RRAS2: variants seen among roughly 807,000 people sequenced by gnomAD.
The protein encoded by RRAS2 is ras-related protein R-Ras2.
RRAS2 carries 7 observed loss-of-function variants against 27.6 expected under a neutral mutation model. That is an observed-to-expected ratio of 0.25 (90% CI 0.14 to 0.48). The LOEUF (loss-of-function observed/expected upper bound fraction) is 0.48, where lower values mean the gene tolerates loss of function less well. RRAS2 is among the 20% of genes least tolerant of loss of function. The pLI, the probability that RRAS2 is intolerant of heterozygous loss-of-function variation, is 0.99. For missense variants in RRAS2, 178 were observed against 256.2 expected, an observed-to-expected ratio of 0.69 and a Z score of 2.08; for synonymous variants, 86 against 90.9, an observed-to-expected ratio of 0.95 and a Z score of 0.31.
At chr11:14,331,307 T>C (rs1554951845) in intron 1 of RRAS2, among the ~76,000 whole-genome samples, 1 of 152,112 alleles carries the variant, frequency 6.6e-6, no homozygotes, top group African/African-American at 2.4e-5. Context: ...TAAGTAAATA[T>C]ATTCTAATGA....
chr11:14,289,007 T>C (rs1849740318), intron 4 of RRAS2, among the ~76,000 whole-genome samples: 1 of 152,178 alleles, frequency 6.6e-6, no homozygotes, highest in South Asian at 2.1e-4. Flanking sequence ...TGAACAAAAT[T>C]GACCTGTCAA....
Position 14,341,594 on chromosome 11 carries a change from A to C in RRAS2, c.108+17169T>G, listed in dbSNP as rs906882941. Reference sequence around the variant, plus strand: ...ATTTGTTGTTTGAGAAGGACCAAAAAAAAAATAAAAATAAAAATAGTTTCC... The same window carrying C: ...ATTTGTTGTTTGAGAAGGACCAAAACAAAAATAAAAATAAAAATAGTTTCC... On this transcript the variant is annotated intron_variant, in intron 1 of 5. Transcript: ENST00000256196. 2.0e-5 allele frequency among the ~76,000 whole-genome samples: 3 copies of C among 152,130 alleles called. No homozygotes were observed. The East Asian group carries it at 5.8e-4, about 29-fold the overall frequency.
intron 1 of RRAS2, among the ~76,000 whole-genome samples, chr11:14,334,217 T>C (rs933971612): frequency 2.0e-5 from 3 of 152,204 alleles, no homozygotes; most frequent in Admixed American, 6.5e-5. Flanking sequence ...ACTTTACCTA[T>C]AACAGGTAGT....
At chr11:14,309,952 G>A (rs1348039493) in intron 1 of RRAS2, among the ~76,000 whole-genome samples, 1 of 152,116 alleles carries the variant, frequency 6.6e-6, no homozygotes, top group Non-Finnish European at 1.5e-5. Flanking sequence ...ATAGGTCAAG[G>A]GTGAAATCAG....
At chr11:14,314,885 C>T (rs943155838) in intron 1 of RRAS2, among the ~76,000 whole-genome samples, 1 of 152,130 alleles carries the variant, frequency 6.6e-6, no homozygotes, top group Non-Finnish European at 1.5e-5. Context: ...CCAGGTTTCA[C>T]CATGTTGGCC....
intron 1 of RRAS2, chr11:14,356,819 T>TTTTG: frequency 2.5e-6 from 1 of 405,338 alleles, no homozygotes; most frequent in African/African-American, 2.3e-5. Context: ...TTTTTTTTTT[T>TTTTG]GAGGCAGAGT....
In RRAS2 at chr11:14,279,340, G is replaced by A. The variant is rs1591437977; in HGVS notation, c.612C>T (p.Phe204=). ...KDKKGCHCVI[F] ...GGTAGCTAAAACTGAAGGGATTCTA[G>A]AAAATGACACAATGGCAGCCTTTCT... The change falls in exon 6 of 6, where the codon TTC becomes TTT. Residue 204 remains phenylalanine, a synonymous_variant. Coordinates refer to ENST00000256196, the MANE Select transcript of RRAS2 (RefSeq NM_012250.6). 1 of 1,604,462 alleles carries A rather than the reference G, an allele frequency of 6.2e-7. No homozygotes were observed. The highest frequency in any genetic ancestry group is 1.3e-5 in the African/African-American group (1 of 74,850).
chr11:14,300,829 T>C (rs1847679302), intron 1 of RRAS2, among the ~76,000 whole-genome samples: 1 of 152,024 alleles, frequency 6.6e-6, no homozygotes, highest in Non-Finnish European at 1.5e-5. Flanking sequence ...CCGCCTTCAG[T>C]GGTAAGGAGT....
At chr11:14,323,683 G>A (rs1554950616) in intron 1 of RRAS2, among the ~76,000 whole-genome samples, 4 of 152,072 alleles carry the variant, frequency 2.6e-5, no homozygotes, top group Admixed American at 2.0e-4. Context: ...GTCATTTTAT[G>A]AGGCCAGTAT....
In RRAS2 at chr11:14,328,301, G is replaced by A. The variant is rs1015981534; in HGVS notation, c.108+30462C>T. On this transcript the variant is annotated intron_variant, in intron 1 of 5. Coordinates refer to ENST00000256196, the MANE Select transcript of RRAS2 (RefSeq NM_012250.6). The stretch of plus-strand genomic sequence containing the variant: ...GAATCACTTGAACCCAGGAGGTGGA[G>A]GTTGCAGTGAGCCAAGATCGCACCA... Among the ~76,000 whole-genome samples, 6 of 141,132 alleles carry A rather than the reference G, an allele frequency of 4.3e-5. No individual in the cohort carries two copies. The South Asian group carries it at 9.2e-4, about 22-fold the overall frequency. The allele number at this position is 141,132 out of a possible 152,430, so 92.6% of individuals were successfully genotyped here. A position where few individuals can be genotyped will look rare whatever the true frequency, so the allele number is the denominator to read the frequency against.
chr11:14,347,172 A>G (rs1848853453), intron 1 of RRAS2, among the ~76,000 whole-genome samples: 1 of 151,990 alleles, frequency 6.6e-6, no homozygotes, highest in Non-Finnish European at 1.5e-5. Flanking sequence ...CTAAATAAAG[A>G]CAATTTTAAA....
chr11:14,359,234 A>C (rs551330263), upstream of RRAS2: 1 of 89,538 alleles, frequency 1.1e-5, no homozygotes, highest in Non-Finnish European at 2.2e-5. Context: ...GGGGGCGGGG[A>C]GGGGCGGGGC....
At chr11:14,317,505 G>A (rs956835940) in intron 1 of RRAS2, among the ~76,000 whole-genome samples, 8 of 152,178 alleles carry the variant, frequency 5.3e-5, no homozygotes, top group South Asian at 2.1e-4. Context: ...GCTTGAACCC[G>A]GAAGGCAGAG....
chr11:14,327,155 G>T (rs1403735275), intron 1 of RRAS2, among the ~76,000 whole-genome samples: 1 of 152,070 alleles, frequency 6.6e-6, no homozygotes. Context: ...AGATGAAGCA[G>T]ACATAGCATA....
At chr11:14,288,661 C>T (rs1018828885) in intron 4 of RRAS2, among the ~76,000 whole-genome samples, 1 of 152,078 alleles carries the variant, frequency 6.6e-6, no homozygotes, top group Non-Finnish European at 1.5e-5. Flanking sequence ...TTTTAAATAA[C>T]CAGGGCAAAT....
At chr11:14,321,515 C>G (rs1488126117) in intron 1 of RRAS2, among the ~76,000 whole-genome samples, 1 of 152,152 alleles carries the variant, frequency 6.6e-6, no homozygotes, top group Non-Finnish European at 1.5e-5. Context: ...CATCCAGGAG[C>G]AAGTGGGAGT....
chr11:14,314,553 TATCA>T (rs1220079846), intron 1 of RRAS2, among the ~76,000 whole-genome samples: 2 of 152,226 alleles, frequency 1.3e-5, no homozygotes, highest in African/African-American at 4.8e-5. Context: ...AAAAAATAAT[TATCA>T]ATTAGATGCC....
Position 14,302,073 on chromosome 11 carries a change from T to TACACACACACACACACACACAC in RRAS2, c.109-6240_109-6219dup, listed in dbSNP as rs57730782. On this transcript the variant is annotated intron_variant, in intron 1 of 5. Coordinates refer to ENST00000256196, the MANE Select transcript of RRAS2 (RefSeq NM_012250.6). ...ACAAGGAGTAAATGTACCACACACA[T>TACACACACACACACACACACAC]ACACACACACACACACACACACACA... Among the ~76,000 whole-genome samples the TACACACACACACACACACACAC allele has an allele frequency of 6.1e-3, 867 of 142,456 alleles. 25 individuals are homozygous for TACACACACACACACACACACAC. The highest frequency in any genetic ancestry group is 0.014 in the Middle Eastern group (4 of 276). 93.5% of individuals were successfully genotyped at this position (142,456 alleles called of 152,430 possible).
At chr11:14,293,124 A>AATATATATATATATTAT (rs1847452796) in intron 4 of RRAS2, among the ~76,000 whole-genome samples, 1 of 76,822 alleles carries the variant, frequency 1.3e-5, no homozygotes, top group African/African-American at 6.3e-5. Flanking sequence ...AAACAAAACA[A>AATATATATATATATTAT]ATATATATAT....
Sources: allele counts gnomAD v4.1 joint callset (sites outside exome capture counted in the v4.1 genomes callset), GRCh38; gene constraint gnomAD v4.1.1; transcripts MANE v1.5; gene names NCBI Gene and HGNC (gene_info 2026-07-23, HGNC 2026-07-21).